CTIF: variants seen among roughly 807,000 people sequenced by gnomAD.
CTIF encodes CBP80/20-dependent translation initiation factor.
Under a neutral mutation model 66.0 loss-of-function variants are expected in CTIF, and 21 were observed. The observed-to-expected ratio is 0.32, with a 90% CI of 0.23 to 0.46. The LOEUF (loss-of-function observed/expected upper bound fraction) is 0.46, where lower values mean the gene tolerates loss of function less well. Ranked by LOEUF, CTIF falls within the 20% of genes least tolerant of loss-of-function variation. CTIF has a pLI of 1.00. For synonymous variants in CTIF, 345 were observed against 326.4 expected, an observed-to-expected ratio of 1.06 and a Z score of -0.62; for missense variants, 739 against 812.7, an observed-to-expected ratio of 0.91 and a Z score of 1.10.
intron 9 of CTIF, among the ~76,000 whole-genome samples, chr18:48,798,474 G>A (rs568004120): frequency 6.6e-6 from 1 of 152,326 alleles, no homozygotes; most frequent in South Asian, 2.1e-4. Context: ...CAGTCTGTGG[G>A]TTCAGTGCAG....
chr18:48,550,166 G>C (rs1182381516), intron 1 of CTIF, among the ~76,000 whole-genome samples: 1 of 152,196 alleles, frequency 6.6e-6, no homozygotes, highest in Non-Finnish European at 1.5e-5. Context: ...TCTGTGGTCT[G>C]TTCTCCCAGC....
chr18:48,570,900 T>C (rs2089401813), intron 1 of CTIF, among the ~76,000 whole-genome samples: 1 of 152,118 alleles, frequency 6.6e-6, no homozygotes, highest in South Asian at 2.1e-4. Context: ...ATCCAGACCT[T>C]GTCCCAGGAT....
At chr18:48,817,497 C>G in intron 10 of CTIF, 121 bp downstream of exon 10, 2 of 1,239,076 alleles carry the variant, frequency 1.6e-6, no homozygotes, top group Non-Finnish European at 2.2e-6. Context: ...CCATCCGGGC[C>G]AGGCACGGTG....
intron 1 of CTIF, among the ~76,000 whole-genome samples, chr18:48,595,037 T>C (rs1367474273): frequency 1.3e-5 from 2 of 152,200 alleles, no homozygotes; most frequent in Non-Finnish European, 2.9e-5. Flanking sequence ...GGAAAGGTCA[T>C]CTTGACATCC....
At chr18:48,746,561 G>A (rs985001603) in intron 7 of CTIF, among the ~76,000 whole-genome samples, 3 of 151,678 alleles carry the variant, frequency 2.0e-5, no homozygotes, top group Non-Finnish European at 4.4e-5. Flanking sequence ...GGCTGGCCAG[G>A]AGGAGTCAGG....
chr18:48,684,490 CTTTTT>C (rs1417114543), intron 6 of CTIF, among the ~76,000 whole-genome samples: 1 of 151,968 alleles, frequency 6.6e-6, no homozygotes, highest in East Asian at 1.9e-4. Context: ...TTATACTGTT[CTTTTT>C]AAGTATATCA....
intron 10 of CTIF, among the ~76,000 whole-genome samples, chr18:48,820,074 T>C (rs2068451140): frequency 6.6e-6 from 1 of 152,196 alleles, no homozygotes; most frequent in African/African-American, 2.4e-5. Flanking sequence ...CTTAAAGGGC[T>C]ACTTGGGCTG....
At chr18:48,680,257 T>G (rs2091717605) in intron 6 of CTIF, among the ~76,000 whole-genome samples, 1 of 152,248 alleles carries the variant, frequency 6.6e-6, no homozygotes, top group South Asian at 2.1e-4. Context: ...ATGCCCTACT[T>G]TGGGCCAGAC....
At chr18:48,849,529 T>C (rs542618684) in intron 10 of CTIF, among the ~76,000 whole-genome samples, 1 of 151,866 alleles carries the variant, frequency 6.6e-6, no homozygotes, top group African/African-American at 2.4e-5. Flanking sequence ...TTTTTATTGG[T>C]TAATAAATAC....
At chr18:48,670,824 A>T in intron 6 of CTIF, 80 bp downstream of exon 6, 1 of 1,229,226 alleles carries the variant, frequency 8.1e-7, no homozygotes, top group Non-Finnish European at 1.2e-6. Flanking sequence ...GACCTAACCA[A>T]AGCACTCCTT....
rs533824689 is a variant in CTIF at position 48,666,135 on chromosome 18, TTTTG to T, written c.431+1594_431+1597del. ...CTTGTGTTTTTTTTTCTTTCTTGGT[TTTTG>T]TTTGTTTGTGTTTTATTATGATACT... is the stretch of plus-strand genomic sequence containing the variant. On this transcript the variant is annotated intron_variant, in intron 5 of 11. Coordinates refer to ENST00000256413, the MANE Select transcript of CTIF (RefSeq NM_014772.3). Among the ~76,000 whole-genome samples, 481 of 152,252 alleles carry T rather than the reference TTTTG, an allele frequency of 3.2e-3. 2 individuals carry two copies. Among genetic ancestry groups the T allele is most frequent in the Admixed American group, 7.6e-3 (116 of 15,294 alleles).
chr18:48,730,492 CTT>C lies in CTIF; in HGVS notation c.584+18798_584+18799del, dbSNP rs2092438973. Among the ~76,000 whole-genome samples the C allele has an allele frequency of 1.6e-5, 2 of 122,860 alleles. 1 individual carries two copies. The highest frequency in any genetic ancestry group is 1.6e-4 in the Admixed American group (2 of 12,380). The allele number at this position is 122,860 out of a possible 152,430, so 80.6% of individuals were successfully genotyped here. A position where few individuals can be genotyped will look rare whatever the true frequency, so the allele number is the denominator to read the frequency against. ...TGAGGGGCTTCCGCGGTGTGAGGGGCTTCTGCGGTGTGAGGGGCTTCTGCGGT... is the reference window on the plus strand; with the variant it reads ...TGAGGGGCTTCCGCGGTGTGAGGGGCCTGCGGTGTGAGGGGCTTCTGCGGT... On this transcript the variant is annotated intron_variant, in intron 7 of 11. Transcript: ENST00000256413.
At chr18:48,781,068 GC>G (rs1911163981) in intron 9 of CTIF, among the ~76,000 whole-genome samples, 2 of 152,304 alleles carry the variant, frequency 1.3e-5, no homozygotes, top group South Asian at 4.1e-4. Flanking sequence ...GGCTTTGTGA[GC>G]CCCCCTCTTC....
At chr18:48,603,382 G>GATGGATGGATGGATGGATGC (rs1168255881) in intron 1 of CTIF, among the ~76,000 whole-genome samples, 4 of 149,910 alleles carry the variant, frequency 2.7e-5, no homozygotes, top group African/African-American at 9.8e-5. Context: ...TGGATGGATG[G>GATGGATGGATGGATGGATGC]ATGGATGGAT....
At chr18:48,827,843 G>A (rs1226372030) in intron 10 of CTIF, among the ~76,000 whole-genome samples, 1 of 151,952 alleles carries the variant, frequency 6.6e-6, no homozygotes, top group Non-Finnish European at 1.5e-5. Context: ...CCCCTCTTCC[G>A]CTCAGCACAC....
chr18:48,568,291 G>A (rs893985370), intron 1 of CTIF: 2 of 152,088 alleles, frequency 1.3e-5, no homozygotes, highest in African/African-American at 4.8e-5. Context: ...GACCAGGGAG[G>A]ATGGTCAGTG....
chr18:48,614,890 G>GTTGTTTTGTT (rs60311500), intron 1 of CTIF, among the ~76,000 whole-genome samples: 1 of 151,678 alleles, frequency 6.6e-6, no homozygotes, highest in Non-Finnish European at 1.5e-5. Flanking sequence ...TTTTGTTGTT[G>GTTGTTTTGTT]TTGTTTTGTT....
intron 6 of CTIF, among the ~76,000 whole-genome samples, chr18:48,703,496 C>T (rs926354832): frequency 1.3e-5 from 2 of 152,198 alleles, no homozygotes; most frequent in African/African-American, 2.4e-5. Flanking sequence ...TTTCTTGTGT[C>T]TGTATAATGC....
rs3809921 is a variant in CTIF at position 48,861,518 on chromosome 18, A to G, written c.*1959A>G. Reference sequence around the variant, plus strand: ...GGGCAGGCCCCAGGGCGAGCTTGCCATCGTGGCCAGGCAGCCTCCACCTGT... The same window carrying G: ...GGGCAGGCCCCAGGGCGAGCTTGCCGTCGTGGCCAGGCAGCCTCCACCTGT... On this transcript the variant is annotated 3_prime_UTR_variant, in exon 12 of 12. Coordinates refer to ENST00000256413, the MANE Select transcript of CTIF (RefSeq NM_014772.3). 92,779 of 152,336 alleles carry G rather than the reference A, an allele frequency of 0.61. 30,583 individuals are homozygous for G. Among genetic ancestry groups the G allele is most frequent in the African/African-American group, 0.86 (35,943 of 41,580 alleles). 9.4% of individuals were successfully genotyped at this position (152,336 alleles called of 1,614,324 possible). A position where few individuals can be genotyped will look rare whatever the true frequency, so the allele number is the denominator to read the frequency against.
Sources: gnomAD v4.1 joint callset for allele counts (sites outside exome capture counted in the v4.1 genomes callset) on GRCh38, gnomAD v4.1.1 for gene constraint, MANE v1.5 for transcripts, NCBI Gene and HGNC (gene_info 2026-07-23, HGNC 2026-07-21) for gene names.